Variants in KHDRBS2 observed in about 807,000 individuals in gnomAD.
KHDRBS2 encodes KH domain-containing, RNA-binding, signal transduction-associated protein 2.
A neutral mutation model predicts 44.3 loss-of-function variants in KHDRBS2; 26 were observed. The observed-to-expected ratio is 0.59, with a 90% CI of 0.43 to 0.81. The LOEUF is 0.81. KHDRBS2 is among the 40% of genes least tolerant of loss of function. The pLI, the probability that KHDRBS2 is intolerant of heterozygous loss-of-function variation, is 0.00. For synonymous variants in KHDRBS2, 194 were observed against 151.1 expected, an observed-to-expected ratio of 1.28 and a Z score of -2.08; for missense variants, 476 against 433.1, an observed-to-expected ratio of 1.10 and a Z score of -0.88.
chr6:62,010,201 A>C (rs1436556015), intron 3 of KHDRBS2, among the ~76,000 whole-genome samples: 1 of 152,204 alleles, frequency 6.6e-6, no homozygotes, highest in Non-Finnish European at 1.5e-5. Flanking sequence ...GGAGTGAGTC[A>C]AAGGAAATCA....
the KHDRBS2 span, among the ~76,000 whole-genome samples, chr6:61,644,713 G>A: frequency 6.6e-6 from 1 of 152,018 alleles, no homozygotes. Flanking sequence ...GAAAAGCTCA[G>A]TATCACTAAT....
At chr6:61,836,611 A>G (rs1378621087) in intron 6 of KHDRBS2, among the ~76,000 whole-genome samples, 1 of 152,084 alleles carries the variant, frequency 6.6e-6, no homozygotes. Flanking sequence ...TCTAATTTGT[A>G]TTCAGACATC....
intron 3 of KHDRBS2, among the ~76,000 whole-genome samples, chr6:62,016,469 T>A (rs62416707): frequency 6.6e-6 from 1 of 151,074 alleles, no homozygotes; most frequent in Non-Finnish European, 1.5e-5. Flanking sequence ...AGGAAACATA[T>A]ACACATATGT....
intron 2 of KHDRBS2, among the ~76,000 whole-genome samples, chr6:62,133,754 T>A (rs1584891158): frequency 1.3e-5 from 2 of 152,270 alleles, no homozygotes; most frequent in East Asian, 3.9e-4. Flanking sequence ...ACTGAGGTAG[T>A]CTCAGAGGGA....
At chr6:61,851,218 CAT>C (rs969136354) in intron 6 of KHDRBS2, among the ~76,000 whole-genome samples, 11 of 151,610 alleles carry the variant, frequency 7.3e-5, no homozygotes, top group Admixed American at 2.0e-4. Flanking sequence ...TACACACACA[CAT>C]ATATATGTGT....
In KHDRBS2 at chr6:61,982,240, G is replaced by A. The variant is rs189538371; in HGVS notation, c.337-4028C>T. ...ATATATATATATATCTTACTCTGAT[G>A]CTTTCCTGAAAGCTCTTGGAAGCAG... On this transcript the variant is annotated intron_variant, in intron 3 of 8. Coordinates refer to ENST00000281156, the MANE Select transcript of KHDRBS2 (RefSeq NM_152688.4). 4.0e-5 allele frequency among the ~76,000 whole-genome samples: 6 copies of A among 151,174 alleles called. No homozygotes were observed. The East Asian group carries it at 1.2e-3, about 29-fold the overall frequency.
intron 2 of KHDRBS2, among the ~76,000 whole-genome samples, chr6:62,173,287 T>G (rs1247837129): frequency 6.6e-6 from 1 of 151,646 alleles, no homozygotes; most frequent in Admixed American, 6.6e-5. Flanking sequence ...ACAAAAACCT[T>G]CAGAGACTAT....
chr6:61,978,817 G>A (rs542881280), intron 3 of KHDRBS2, among the ~76,000 whole-genome samples: 5 of 152,158 alleles, frequency 3.3e-5, no homozygotes, highest in Admixed American at 2.6e-4. Flanking sequence ...GAATATTAAA[G>A]GGTGGTTTAA....
intron 4 of KHDRBS2, among the ~76,000 whole-genome samples, chr6:61,968,515 A>G (rs1204969540): frequency 6.6e-6 from 1 of 152,062 alleles, no homozygotes. Flanking sequence ...ATGAGTATCT[A>G]AGAATGTGCA....
chr6:61,977,914 A>C, intron 4 of KHDRBS2, 152 bp downstream of exon 4: 1 of 612,440 alleles, frequency 1.6e-6, no homozygotes, highest in Non-Finnish European at 2.7e-6. Context: ...TGGTTTTGGT[A>C]TCCTATTTTA....
chr6:61,916,849 TA>T (rs1256394459), intron 4 of KHDRBS2, among the ~76,000 whole-genome samples: 1 of 151,674 alleles, frequency 6.6e-6, no homozygotes, highest in African/African-American at 2.4e-5. Flanking sequence ...CATATGTCAT[TA>T]GGGAATTTCA....
the KHDRBS2 span, among the ~76,000 whole-genome samples, chr6:61,570,688 T>C: frequency 1.0e-3 from 159 of 152,274 alleles, no homozygotes; most frequent in African/African-American, 3.7e-3. Flanking sequence ...AGATAACCTA[T>C]AGAGGAAAAC....
At chr6:61,755,414 C>A (rs186625865) in intron 6 of KHDRBS2, among the ~76,000 whole-genome samples, 116 of 152,142 alleles carry the variant, frequency 7.6e-4, no homozygotes, top group Admixed American at 2.5e-3. Context: ...GCTAAAAGTT[C>A]ATCAAAACTA....
At chr6:61,690,539 A>G (rs540295137) in intron 8 of KHDRBS2, among the ~76,000 whole-genome samples, 28 of 152,164 alleles carry the variant, frequency 1.8e-4, no homozygotes, top group African/African-American at 6.5e-4. Context: ...TGTTGACTCT[A>G]CCTGTTGGGT....
At chr6:61,850,959 C>T (rs923654028) in intron 6 of KHDRBS2, among the ~76,000 whole-genome samples, 10 of 152,188 alleles carry the variant, frequency 6.6e-5, no homozygotes, top group Admixed American at 5.2e-4. Context: ...GATTACTTGT[C>T]TAAGAAATAG....
At chr6:62,113,207 C>T (rs1805430793) in intron 2 of KHDRBS2, among the ~76,000 whole-genome samples, 1 of 152,060 alleles carries the variant, frequency 6.6e-6, no homozygotes, top group African/African-American at 2.4e-5. Flanking sequence ...TCTTTAAGCA[C>T]ATATTATGTC....
chr6:62,257,381 T>C (rs999093648), intron 1 of KHDRBS2, among the ~76,000 whole-genome samples: 10 of 152,094 alleles, frequency 6.6e-5, no homozygotes, highest in African/African-American at 2.2e-4. Context: ...TAAGGTTGCA[T>C]ATTATCTGTT....
At chr6:62,040,732 G>T (rs1046463578) in intron 3 of KHDRBS2, among the ~76,000 whole-genome samples, 10 of 152,028 alleles carry the variant, frequency 6.6e-5, no homozygotes, top group African/African-American at 2.4e-4. Flanking sequence ...ATCCTTTCAA[G>T]GCACCTTTAA....
intron 1 of KHDRBS2, among the ~76,000 whole-genome samples, chr6:62,264,767 A>T (rs1838924175): frequency 6.6e-6 from 1 of 151,726 alleles, no homozygotes; most frequent in Admixed American, 6.6e-5. Flanking sequence ...TGATAAATAT[A>T]TATTTATCAT....
Sources: gnomAD v4.1 joint callset for allele counts (sites outside exome capture counted in the v4.1 genomes callset) on GRCh38, gnomAD v4.1.1 for gene constraint, MANE v1.5 for transcripts, NCBI Gene and HGNC (gene_info 2026-07-23, HGNC 2026-07-21) for gene names.